Variants in ATP9B observed in about 807,000 individuals in gnomAD.
ATP9B encodes the protein probable phospholipid-transporting ATPase IIB.
A neutral mutation model predicts 146.1 loss-of-function variants in ATP9B; 110 were observed. That is an observed-to-expected ratio of 0.75 (90% CI 0.65 to 0.88). ATP9B has a LOEUF of 0.88. Among genes scored for constraint, ATP9B ranks in the 40% least tolerant of loss-of-function variants. The pLI is 0.00. For missense variants in ATP9B, 1,499 were observed against 1,496.4 expected, an observed-to-expected ratio of 1.00 and a Z score of -0.03; for synonymous variants, 604 against 569.7, an observed-to-expected ratio of 1.06 and a Z score of -0.86.
rs540217998 is a variant in ATP9B, at chr18:79,375,264, T to C, written c.3275-130T>C. The C allele has an allele frequency of 1.1e-4, 89 of 780,282 alleles. 1 individual carries two copies. In the South Asian group the frequency reaches 1.5e-3, roughly 13 times the overall value. 48.3% of individuals were successfully genotyped at this position (780,282 alleles called of 1,614,324 possible). On this transcript the variant is annotated intron_variant, in intron 28 of 29. Transcript: ENST00000426216. ...AGGGAAATGAGATGTTAAAACCACA[T>C]TGAAAACGCAGCTTGCACTGCCATT...
chr18:79,337,024 C>G lies in ATP9B; in HGVS notation c.2113-255C>G, dbSNP rs117354171. ...GAGTATGTGCACATAGGCGCCTCCCCCTCTGTCCCCAGAGCCCATGCTGTC... is the reference window on the plus strand; with the variant it reads ...GAGTATGTGCACATAGGCGCCTCCCGCTCTGTCCCCAGAGCCCATGCTGTC... On this transcript the variant is annotated intron_variant, in intron 18 of 29. Coordinates refer to ENST00000426216, the MANE Select transcript of ATP9B (RefSeq NM_198531.5). 1.4e-3 allele frequency among the ~76,000 whole-genome samples: 208 copies of G among 152,132 alleles called. 2 individuals carry two copies. The East Asian group carries it at 0.039, about 29-fold the overall frequency.
intron 2 of ATP9B, among the ~76,000 whole-genome samples, chr18:79,098,414 G>A (rs552868577): frequency 2.2e-4 from 33 of 148,070 alleles, no homozygotes; most frequent in African/African-American, 7.6e-4. Flanking sequence ...CTTCTGCACA[G>A]CAAAAGAAAC....
chr18:79,073,341 T>G (rs574465556), intron 1 of ATP9B, among the ~76,000 whole-genome samples: 1 of 152,094 alleles, frequency 6.6e-6, no homozygotes. Flanking sequence ...TGGGCAACAT[T>G]GAGCACTGAG....
intron 12 of ATP9B, among the ~76,000 whole-genome samples, chr18:79,265,220 G>T (rs1291444780): frequency 6.6e-6 from 1 of 152,202 alleles, no homozygotes; most frequent in Non-Finnish European, 1.5e-5. Flanking sequence ...ATGGCCTCCA[G>T]TTCCATCCAT....
At chr18:79,270,591 T>C (rs1160228431) in intron 12 of ATP9B, among the ~76,000 whole-genome samples, 1 of 152,202 alleles carries the variant, frequency 6.6e-6, no homozygotes, top group Non-Finnish European at 1.5e-5. Context: ...AATCTGTACC[T>C]GCAAACCCTA....
At chr18:79,246,289 CTG>C (rs540891278) in intron 11 of ATP9B, among the ~76,000 whole-genome samples, 1 of 80,390 alleles carries the variant, frequency 1.2e-5, no homozygotes, top group Non-Finnish European at 2.2e-5. Flanking sequence ...GCCCTACTGT[CTG>C]TGCGGAGGGC....
Position 79,193,183 on chromosome 18 carries a change from G to A in ATP9B, c.874G>A (p.Asp292Asn). 1 of 1,595,260 alleles carries A rather than the reference G, an allele frequency of 6.3e-7. No homozygotes were observed. The highest frequency in any genetic ancestry group is 8.6e-7 in the Non-Finnish European group (1 of 1,164,944). The change falls in exon 9 of 30, where the codon GAC becomes AAC. Residue 292 changes from aspartate to asparagine, a missense_variant and splice_region_variant. Coordinates refer to ENST00000426216, the MANE Select transcript of ATP9B (RefSeq NM_198531.5). The part of the protein sequence containing the change: ...SCTQQLPALG[D>N]LFSISAYVYA... ...TCGATTCAAATGTTCTGTATTCCAG[G>A]ACCTTTTTTCTATCAGTGCTTATGT...
chr18:79,360,268 C>T (rs983548608), intron 26 of ATP9B: 4 of 152,124 alleles, frequency 2.6e-5, no homozygotes, highest in African/African-American at 7.2e-5. Context: ...ATCCACTAAC[C>T]GCAATTAAAT....
In ATP9B at chr18:79,239,231, GGTGGACT is replaced by G. The variant is rs1202969306; in HGVS notation, c.1108-14136_1108-14130del. Among the ~76,000 whole-genome samples, 3 of 152,196 alleles carry G rather than the reference GGTGGACT, an allele frequency of 2.0e-5. No individual in the cohort carries two copies. The highest frequency in any genetic ancestry group is 4.1e-4 in the South Asian group (2 of 4,826). ...CTGGGGCGAGACAGGGCCTGGCCCT[GGTGGACT>G]GTGGACTGTGGACCACCGCGTGTGC... On this transcript the variant is annotated intron_variant, in intron 11 of 29. Coordinates refer to ENST00000426216, the MANE Select transcript of ATP9B (RefSeq NM_198531.5). This position sits in a 1 kb window ranked among gnomAD's most constrained non-coding sequence, Gnocchi z 5.1.
At chr18:79,187,917 G>A (rs1214874428) in intron 8 of ATP9B, among the ~76,000 whole-genome samples, 1 of 152,116 alleles carries the variant, frequency 6.6e-6, no homozygotes, top group African/African-American at 2.4e-5. Flanking sequence ...TTAGGTGATC[G>A]AATCTTCTCT....
intron 13 of ATP9B, 139 bp downstream of exon 13, chr18:79,277,335 T>G: frequency 9.2e-7 from 1 of 1,087,970 alleles, no homozygotes; most frequent in Non-Finnish European, 1.3e-6. Flanking sequence ...ATATTTAGAA[T>G]TTTTCAGCCT....
intron 8 of ATP9B, among the ~76,000 whole-genome samples, chr18:79,178,730 C>T (rs1451243824): frequency 1.3e-5 from 2 of 152,092 alleles, no homozygotes; most frequent in African/African-American, 2.4e-5. Context: ...AGTAGTCATA[C>T]TGCATGTCTT....
At position 79,099,511 on chromosome 18, in the gene ATP9B, G is replaced by A. The variant is rs185755624; in HGVS notation, c.293+2862G>A. On this transcript the variant is annotated intron_variant, in intron 2 of 29. Coordinates refer to ENST00000426216, the MANE Select transcript of ATP9B (RefSeq NM_198531.5). ...GTTGGAATTACAGGCGTGAGCCACC[G>A]TCCCTGGGCCCAAATATTTTCTAAT... is the stretch of plus-strand genomic sequence containing the variant. Among the ~76,000 whole-genome samples, 166 of 152,284 alleles carry A rather than the reference G, an allele frequency of 1.1e-3. 1 individual carries two copies. Among genetic ancestry groups the A allele is most frequent in the African/African-American group, 3.7e-3 (154 of 41,550 alleles).
In ATP9B at chr18:79,342,489, A is replaced by G. The variant is rs1040664133; in HGVS notation, c.2382+123A>G. The stretch of plus-strand genomic sequence containing the variant: ...ATATCTTTTTAAAAAGAACTACTGT[A>G]ATTTTTTTAATTTATAACAGCACAC... On this transcript the variant is annotated intron_variant, in intron 20 of 29. Transcript: ENST00000426216. 4.3e-4 allele frequency: 261 copies of G among 609,948 alleles called. 4 individuals are homozygous for G. In the East Asian group the frequency reaches 8.2e-3, roughly 19 times the overall value. 37.8% of individuals were successfully genotyped at this position (609,948 alleles called of 1,614,324 possible). A position where few individuals can be genotyped will look rare whatever the true frequency, so the allele number is the denominator to read the frequency against.
At chr18:79,314,105 A>C (rs998825457) in intron 15 of ATP9B, among the ~76,000 whole-genome samples, 1 of 152,210 alleles carries the variant, frequency 6.6e-6, no homozygotes, top group African/African-American at 2.4e-5. Context: ...AGCTTTATTT[A>C]GGGAAATGGT....
chr18:79,155,106 A>G (rs1317282471), intron 7 of ATP9B, among the ~76,000 whole-genome samples: 1 of 152,232 alleles, frequency 6.6e-6, no homozygotes, highest in African/African-American at 2.4e-5. Flanking sequence ...ATACTTATTT[A>G]CCACTTATTA....
At chr18:79,198,943 AGCTT>A (rs563779385) in intron 9 of ATP9B, among the ~76,000 whole-genome samples, 17 of 152,076 alleles carry the variant, frequency 1.1e-4, no homozygotes, top group Middle Eastern at 3.4e-3. Flanking sequence ...AATTAATCTC[AGCTT>A]CCTATAACTT....
At chr18:79,244,131 C>T (rs944432862) in intron 11 of ATP9B, among the ~76,000 whole-genome samples, 2 of 151,432 alleles carry the variant, frequency 1.3e-5, no homozygotes, top group Non-Finnish European at 2.9e-5. Context: ...CTCCCCACTA[C>T]CCCCCCTCCG....
rs553682770 is a variant in ATP9B, at chr18:79,275,873, G to T, written c.1269-1181G>T. Among the ~76,000 whole-genome samples, 6 of 152,352 alleles carry T rather than the reference G, an allele frequency of 3.9e-5. No homozygotes were observed. The South Asian group carries it at 1.2e-3, about 32-fold the overall frequency. On this transcript the variant is annotated intron_variant, in intron 12 of 29. Coordinates refer to ENST00000426216, the MANE Select transcript of ATP9B (RefSeq NM_198531.5). ...AGGCTTACTTTCTAACTAGTACATA[G>T]AATTTTTAAGATATGAACTCTATGG...
Sources: gnomAD v4.1 joint callset for allele counts (sites outside exome capture counted in the v4.1 genomes callset) on GRCh38, gnomAD v4.1.1 for gene constraint, Gnocchi (gnomAD v3.1) non-coding constraint, MANE v1.5 for transcripts, NCBI Gene and HGNC (gene_info 2026-07-23, HGNC 2026-07-21) for gene names.